The following RFC1 variants were observed in gnomAD, a reference collection of about 807,000 sequenced individuals.
RFC1 encodes A1 140 kDa subunit.
A neutral mutation model predicts 137.4 loss-of-function variants in RFC1; 37 were observed. The observed-to-expected ratio is 0.27, with a 90% CI of 0.21 to 0.35. The LOEUF is 0.35. Among genes scored for constraint, RFC1 ranks in the 10% least tolerant of loss-of-function variants. The pLI, the probability that RFC1 is intolerant of heterozygous loss-of-function variation, is 1.00. For missense variants in RFC1, 1,205 were observed against 1,358.5 expected (o/e 0.89, Z 1.78); for synonymous variants, 429 against 455.7 (o/e 0.94, Z 0.75).
At chr4:39,336,131 A>G (rs1044027682) in intron 4 of RFC1, among the ~76,000 whole-genome samples, 6 of 152,298 alleles carry the variant, frequency 3.9e-5, no homozygotes, top group South Asian at 2.1e-4. Flanking sequence ...CCCATAATAC[A>G]CACTAATAAA....
intron 14 of RFC1, among the ~76,000 whole-genome samples, 172 bp downstream of exon 14, chr4:39,306,420 A>G (rs141638959): frequency 8.5e-5 from 13 of 152,336 alleles, no homozygotes; most frequent in South Asian, 2.1e-4. Flanking sequence ...AATTACAAAC[A>G]TCGCCAGAAC....
chr4:39,327,850 G>C (rs1739859175), intron 4 of RFC1, 94 bp from the exon 5 acceptor site: 2 of 936,704 alleles, frequency 2.1e-6, no homozygotes, highest in Non-Finnish European at 3.1e-6. Context: ...GTATACAAGA[G>C]GCTAGACATG....
chr4:39,322,175 G>A (rs919382230), intron 7 of RFC1: 143 of 152,236 alleles, frequency 9.4e-4, no homozygotes, highest in African/African-American at 3.3e-3. Flanking sequence ...TAAGGCTGAG[G>A]CAGGCAGATC....
intron 7 of RFC1, among the ~76,000 whole-genome samples, chr4:39,323,009 C>T (rs1390680822): frequency 6.6e-6 from 1 of 152,084 alleles, no homozygotes; most frequent in Non-Finnish European, 1.5e-5. Flanking sequence ...CACTTGAGCT[C>T]AGGAGGCAAA....
chr4:39,306,423 G>A (rs940813206), intron 14 of RFC1, among the ~76,000 whole-genome samples, 169 bp downstream of exon 14: 1 of 152,030 alleles, frequency 6.6e-6, no homozygotes, highest in Non-Finnish European at 1.5e-5. Flanking sequence ...TACAAACATC[G>A]CCAGAACCAA....
At chr4:39,308,497 T>C (rs1463622324) in intron 13 of RFC1, 139 bp downstream of exon 13, 7 of 1,180,428 alleles carry the variant, frequency 5.9e-6, no homozygotes, top group Non-Finnish European at 8.4e-6. Flanking sequence ...GGTCTAGTAC[T>C]GCACCTGGGT....
Position 39,291,756 on chromosome 4 carries a change from T to G in RFC1, c.3051A>C (p.Val1017=). ...TGTCCATAAGTGCAACAACATCCTG[T>G]ACTCCGTCTACTCCTTGTGAGGTCA... is the stretch of plus-strand genomic sequence containing the variant. ...QPLTSQGVDG[V]QDVVALMDTY... Residue 1017 remains valine (V), a synonymous_variant, in exon 23 of 25, where the codon GTA becomes GTC. Coordinates refer to ENST00000349703, the MANE Select transcript of RFC1 (RefSeq NM_002913.5). The G allele has an allele frequency of 1.2e-6, 2 of 1,613,582 alleles. No homozygotes were observed. The highest frequency in any genetic ancestry group is 1.7e-6 in the Non-Finnish European group (2 of 1,179,470).
chr4:39,328,651 T>G (rs1050300299), intron 4 of RFC1, among the ~76,000 whole-genome samples: 4 of 151,492 alleles, frequency 2.6e-5, no homozygotes, highest in African/African-American at 9.7e-5. Flanking sequence ...GCCAGAAGAG[T>G]TCGGGTGAAA....
In RFC1 at chr4:39,295,714, T is replaced by G. The variant is rs1469849381; in HGVS notation, c.2854A>C (p.Met952Leu). 24 of 1,613,560 alleles carry G rather than the reference T, an allele frequency of 1.5e-5. No individual in the cohort carries two copies. Among genetic ancestry groups the G allele is most frequent in the Non-Finnish European group, 2.0e-5 (24 of 1,179,788 alleles). The stretch of plus-strand genomic sequence containing the variant: ...CTTGGGAAGGTGGGAAACTGGGTCA[T>G]GTACCCCCTCATCAACTCTCCAGGA... ...VLPGELMRGY[M>L]TQFPTFPSWL... is the part of the protein sequence containing the mutation. The change falls in exon 22 of 25, where the codon ATG becomes CTG. Residue 952 changes from methionine (M) to leucine (L), a missense_variant. Physicochemically the swap from Met to Leu is conservative, Grantham distance 15. Transcript: ENST00000349703.
intron 1 of RFC1, among the ~76,000 whole-genome samples, chr4:39,361,805 T>C (rs1261661088): frequency 6.6e-6 from 1 of 152,200 alleles, no homozygotes; most frequent in African/African-American, 2.4e-5. Context: ...TCCCAGCACT[T>C]TGGGAGGCCG....
At chr4:39,329,364 C>A (rs1196082168) in intron 4 of RFC1, among the ~76,000 whole-genome samples, 1 of 151,162 alleles carries the variant, frequency 6.6e-6, no homozygotes, top group Non-Finnish European at 1.5e-5. Flanking sequence ...GGGAGGCAGG[C>A]AGATCACTTC....
intron 15 of RFC1, 81 bp downstream of exon 15, chr4:39,304,733 G>T: frequency 1.2e-6 from 1 of 854,618 alleles, no homozygotes; most frequent in Non-Finnish European, 2.0e-6. Context: ...CACACAACCT[G>T]TGTTCAATAC....
At chr4:39,294,139 T>C (rs1217365722) in intron 22 of RFC1, among the ~76,000 whole-genome samples, 1 of 152,240 alleles carries the variant, frequency 6.6e-6, no homozygotes, top group Non-Finnish European at 1.5e-5. Flanking sequence ...TAAGCCATTA[T>C]GTGTGTTGTA....
At position 39,288,917 on chromosome 4, in the gene RFC1, C is replaced by A. The variant is rs571266701; in HGVS notation, c.3361-73G>T. 2.5e-4 allele frequency: 238 copies of A among 941,334 alleles called. 2 individuals are homozygous for A. In the African/African-American group the frequency reaches 3.7e-3, roughly 15 times the overall value. The allele number at this position is 941,334 out of a possible 1,614,324, so 58.3% of individuals were successfully genotyped here. A position where few individuals can be genotyped will look rare whatever the true frequency, so the allele number is the denominator to read the frequency against. On this transcript the variant is annotated intron_variant, in intron 24 of 24. Transcript: ENST00000349703. ...AAATGAAATAAGTTCATCTCTATAA[C>A]AAATCTAATCTTTACCTGCAACTTA...
intron 4 of RFC1, among the ~76,000 whole-genome samples, chr4:39,330,499 A>C (rs1407533128): frequency 6.6e-6 from 1 of 152,088 alleles, no homozygotes; most frequent in African/African-American, 2.4e-5. Context: ...GCCTCCAAAA[A>C]CCACAGATAT....
chr4:39,355,561 A>T (rs1741431783), intron 1 of RFC1, among the ~76,000 whole-genome samples: 1 of 125,314 alleles, frequency 8.0e-6, no homozygotes, highest in South Asian at 3.0e-4. Context: ...TAGCCAACAC[A>T]CATAAAAAAT....
chr4:39,298,047 G>A (rs1178226386), intron 21 of RFC1, among the ~76,000 whole-genome samples: 1 of 152,162 alleles, frequency 6.6e-6, no homozygotes, highest in Non-Finnish European at 1.5e-5. Flanking sequence ...AGGTGCAGTG[G>A]CTCATGCCAG....
Position 39,351,397 on chromosome 4 carries a change from T to A in RFC1, c.83A>T (p.Lys28Met), listed in dbSNP as rs765960748. 4 of 1,576,338 alleles carry A rather than the reference T, an allele frequency of 2.5e-6. No homozygotes were observed. In the East Asian group the frequency reaches 9.4e-5, roughly 37 times the overall value. ...SETVKKNEKT[K>M]SDEETLKAKK... ...TGCTTTTAAAGTTTCTTCATCAGAC[T>A]TTGTTTTCTCATTCTTCTTTACTGT... The change falls in exon 2 of 25, where the codon AAG becomes ATG. Residue 28 changes from lysine to methionine, a missense_variant. By Grantham distance (95) the Lys-to-Met change is moderately conservative. Coordinates refer to ENST00000349703, the MANE Select transcript of RFC1 (RefSeq NM_002913.5).
chr4:39,302,614 G>A lies in RFC1; in HGVS notation c.2341-19C>T, dbSNP rs373272291. On this transcript the variant is annotated intron_variant, in intron 17 of 24. Transcript: ENST00000349703. ...TAGCACCCTGAAATTGACAAGGGAG[G>A]AGTCCTCAATGATTTTTAACTCATA... 3.9e-6 allele frequency: 6 copies of A among 1,543,310 alleles called. No individual in the cohort carries two copies. The highest frequency in any genetic ancestry group is 1.2e-5 in the South Asian group (1 of 84,922).
Sources: gnomAD v4.1 joint callset for allele counts (sites outside exome capture counted in the v4.1 genomes callset) on GRCh38, gnomAD v4.1.1 for gene constraint, MANE v1.5 for transcripts, NCBI Gene and HGNC (gene_info 2026-07-23, HGNC 2026-07-21) for gene names.